The following STXBP5L variants were observed in gnomAD, a reference collection of about 807,000 sequenced individuals.
STXBP5L encodes the protein syntaxin-binding protein 5-like.
A neutral mutation model predicts 144.5 loss-of-function variants in STXBP5L; 65 were observed. That is an observed-to-expected ratio of 0.45 (90% CI 0.37 to 0.55). The LOEUF is 0.55. Ranked by LOEUF, STXBP5L falls within the 20% of genes least tolerant of loss-of-function variation. The probability of loss-of-function intolerance (pLI) is 0.00; values close to 1 mark genes in which losing one functional copy is unlikely to be tolerated. For synonymous variants in STXBP5L, 505 were observed against 469.6 expected (o/e 1.08, Z -0.97); for missense variants, 1,298 against 1,405.5 (o/e 0.92, Z 1.22).
chr3:120,994,715 A>T (rs376447176), intron 3 of STXBP5L, among the ~76,000 whole-genome samples: 3 of 151,634 alleles, frequency 2.0e-5, no homozygotes, highest in East Asian at 3.9e-4. Flanking sequence ...ATCTTTTTTC[A>T]TCATGAGTAA....
At chr3:120,987,245 TATGA>T (rs1264414038) in intron 3 of STXBP5L, among the ~76,000 whole-genome samples, 1 of 152,006 alleles carries the variant, frequency 6.6e-6, no homozygotes, top group Non-Finnish European at 1.5e-5. Flanking sequence ...ACCAGCAGTG[TATGA>T]ATGGTCTAGT....
chr3:121,371,314 T>C (rs913811497), intron 20 of STXBP5L, among the ~76,000 whole-genome samples: 3 of 152,212 alleles, frequency 2.0e-5, no homozygotes, highest in Non-Finnish European at 2.9e-5. Flanking sequence ...ACTGCAAGCT[T>C]TAACTCTTGA....
At chr3:121,348,194 T>A (rs962988222) in intron 20 of STXBP5L, among the ~76,000 whole-genome samples, 2 of 152,312 alleles carry the variant, frequency 1.3e-5, no homozygotes, top group Admixed American at 1.3e-4. Context: ...CAAAGGCCTT[T>A]TCTGCATCTA....
At chr3:121,033,714 A>G (rs770745223) in intron 3 of STXBP5L, among the ~76,000 whole-genome samples, 1 of 151,982 alleles carries the variant, frequency 6.6e-6, no homozygotes, top group Non-Finnish European at 1.5e-5. Context: ...ACTGCTATAT[A>G]TTCTTATAAG....
At chr3:120,984,631 C>CCTTTTTTTTTTTTTTTTTTTTTTTTTT (rs1559954191) in intron 3 of STXBP5L, among the ~76,000 whole-genome samples, 1 of 85,654 alleles carries the variant, frequency 1.2e-5, no homozygotes, top group Non-Finnish European at 2.2e-5. Context: ...TTCTTTCTTT[C>CCTTTTTTTTTTTTTTTTTTTTTTTTTT]CTTTTTTTTT....
chr3:121,006,969 G>A (rs1280729942), intron 3 of STXBP5L, among the ~76,000 whole-genome samples: 1 of 152,070 alleles, frequency 6.6e-6, no homozygotes, highest in Non-Finnish European at 1.5e-5. Flanking sequence ...CTTTGTCTCT[G>A]GCTACCCTTA....
intron 2 of STXBP5L, among the ~76,000 whole-genome samples, chr3:120,945,213 C>T (rs1296368451): frequency 2.0e-5 from 3 of 151,766 alleles, no homozygotes; most frequent in Non-Finnish European, 4.4e-5. Flanking sequence ...CAGAGTGTAA[C>T]ATCTGTAGAC....
intron 3 of STXBP5L, among the ~76,000 whole-genome samples, chr3:120,957,205 A>G (rs1559908543): frequency 6.6e-6 from 1 of 152,048 alleles, no homozygotes; most frequent in African/African-American, 2.4e-5. Flanking sequence ...TTACTACTAC[A>G]CTGTTTTTAT....
At chr3:121,415,809 A>T in intron 24 of STXBP5L, 48 bp from the exon 25 acceptor site, 2 of 1,325,856 alleles carry the variant, frequency 1.5e-6, no homozygotes, top group Admixed American at 1.9e-5. Context: ...TTGTATATTA[A>T]TTGATTTTTT....
At chr3:121,407,661 C>T (rs759760722) in intron 23 of STXBP5L, 58 bp downstream of exon 23, 8 of 1,601,358 alleles carry the variant, frequency 5.0e-6, no homozygotes, top group Middle Eastern at 1.7e-4. Context: ...AGGTACAATC[C>T]TAAAAAATAT....
chr3:120,927,763 T>C (rs1275646221), intron 2 of STXBP5L, among the ~76,000 whole-genome samples: 2 of 152,210 alleles, frequency 1.3e-5, no homozygotes, highest in Non-Finnish European at 2.9e-5. Context: ...ATCTCAGTGA[T>C]GTATATTTGT....
At chr3:121,343,326 G>T (rs1324581725) in intron 20 of STXBP5L, among the ~76,000 whole-genome samples, 1 of 152,036 alleles carries the variant, frequency 6.6e-6, no homozygotes, top group Non-Finnish European at 1.5e-5. Flanking sequence ...TTCTTTTGCT[G>T]TGCAGAAGCT....
chr3:121,053,539 G>A (rs1345970142), intron 5 of STXBP5L, among the ~76,000 whole-genome samples: 5 of 151,970 alleles, frequency 3.3e-5, no homozygotes, highest in Non-Finnish European at 7.4e-5. Flanking sequence ...GGCTAGACAT[G>A]TGTAGAAAGC....
rs377621209 is a variant in STXBP5L, at chr3:121,394,141, C to A, written c.2587+12609C>A. ...AAATTTTCCGTGTAGCAATCTTTCA[C>A]CTCCTTGATTAATGTATTCCTAGGT... On this transcript the variant is annotated intron_variant, in intron 22 of 26. Transcript: ENST00000471454. 8.5e-5 allele frequency among the ~76,000 whole-genome samples: 13 copies of A among 152,182 alleles called. No homozygotes were observed. The East Asian group carries it at 1.4e-3, about 16-fold the overall frequency.
chr3:120,931,906 A>T (rs1709961372), intron 2 of STXBP5L, among the ~76,000 whole-genome samples: 2 of 152,216 alleles, frequency 1.3e-5, no homozygotes, highest in Admixed American at 1.3e-4. Flanking sequence ...TAACTTAATG[A>T]TAGGGATAGG....
At chr3:121,021,510 C>G (rs1246093151) in intron 3 of STXBP5L, among the ~76,000 whole-genome samples, 2 of 152,100 alleles carry the variant, frequency 1.3e-5, no homozygotes, top group African/African-American at 4.8e-5. Context: ...AAGACCATAT[C>G]ATAGGCCACA....
intron 7 of STXBP5L, among the ~76,000 whole-genome samples, chr3:121,128,068 G>T (rs1349693921): frequency 1.3e-5 from 2 of 152,066 alleles, no homozygotes; most frequent in African/African-American, 2.4e-5. Flanking sequence ...GAAAGAAATA[G>T]AATACCTACC....
intron 8 of STXBP5L, among the ~76,000 whole-genome samples, chr3:121,155,693 C>A (rs968609797): frequency 7.2e-5 from 11 of 151,840 alleles, no homozygotes; most frequent in African/African-American, 2.7e-4. Flanking sequence ...ATTTATCCAT[C>A]AAGTTAGATC....
chr3:121,118,104 C>T (rs2044307971), intron 6 of STXBP5L, among the ~76,000 whole-genome samples: 2 of 151,650 alleles, frequency 1.3e-5, no homozygotes, highest in South Asian at 4.1e-4. Flanking sequence ...GTTTACTGAG[C>T]TCTATTATAT....
Sources: allele counts gnomAD v4.1 joint callset (sites outside exome capture counted in the v4.1 genomes callset), GRCh38; gene constraint gnomAD v4.1.1; transcripts MANE v1.5; gene names NCBI Gene and HGNC (gene_info 2026-07-23, HGNC 2026-07-21).